ERCC6: variants seen among roughly 807,000 people sequenced by gnomAD.
ERCC6 encodes the protein DNA excision repair protein ERCC-6.
In ERCC6, 116 loss-of-function variants were observed where a neutral mutation model predicts 158.7. The observed-to-expected ratio is 0.73, with a 90% CI of 0.63 to 0.85. The LOEUF (loss-of-function observed/expected upper bound fraction) is 0.85, where lower values mean the gene tolerates loss of function less well. Among genes scored for constraint, ERCC6 ranks in the 40% least tolerant of loss-of-function variants. The probability of loss-of-function intolerance (pLI) is 0.00; values close to 1 mark genes in which losing one functional copy is unlikely to be tolerated. For missense variants in ERCC6, 1,698 were observed against 1,799.4 expected (o/e 0.94, Z 1.02); for synonymous variants, 678 against 659.3 (o/e 1.03, Z -0.43).
intron 10 of ERCC6, among the ~76,000 whole-genome samples, chr10:49,481,861 A>T (rs749095929): frequency 1.3e-5 from 2 of 152,078 alleles, no homozygotes; most frequent in Non-Finnish European, 2.9e-5. Flanking sequence ...ACCACCCAAG[A>T]TCAGGTCCAG....
intron 8 of ERCC6, among the ~76,000 whole-genome samples, chr10:49,492,705 C>A (rs955997559): frequency 2.2e-4 from 33 of 152,190 alleles, no homozygotes; most frequent in Non-Finnish European, 1.0e-4. Context: ...TAAATGCATA[C>A]TAACAAATGC....
At chr10:49,482,902 C>T (rs754373827) in intron 9 of ERCC6, 39 bp from the exon 10 acceptor site, 1 of 1,611,158 alleles carries the variant, frequency 6.2e-7, no homozygotes, top group Admixed American at 1.7e-5. Flanking sequence ...TTAAATTTAC[C>T]TTTTAGCAAT....
At chr10:49,514,253 A>G (rs1836885558) in intron 5 of ERCC6, among the ~76,000 whole-genome samples, 1 of 152,182 alleles carries the variant, frequency 6.6e-6, no homozygotes, top group South Asian at 2.1e-4. Flanking sequence ...TCTTCACTAC[A>G]CCCCTGCAAA....
chr10:49,465,075 T>A (rs1361478690), intron 18 of ERCC6, among the ~76,000 whole-genome samples: 2 of 152,080 alleles, frequency 1.3e-5, no homozygotes, highest in Non-Finnish European at 2.9e-5. Context: ...CTGCAGACAC[T>A]CAATGCCACC....
In ERCC6 at chr10:49,493,158, C is replaced by T. The variant is rs1177814245; in HGVS notation, c.1780G>A (p.Val594Met). Reference protein sequence around the residue: ...EFHTWWPPFRVAILHETGSYT... With the variant: ...EFHTWWPPFRMAILHETGSYT... ...GAACCGGTTTCATGTAGAATTGCCA[C>T]TCTGAACGGAGGCCACCACGTGTGA... Residue 594 changes from valine (V) to methionine (M), a missense_variant, in exon 8 of 21, where the codon GTG (valine) becomes ATG (methionine). Transcript: ENST00000355832. 6.8e-6 allele frequency: 11 copies of T among 1,614,156 alleles called. No homozygotes were observed. Among genetic ancestry groups the T allele is most frequent in the Non-Finnish European group, 9.3e-6 (11 of 1,180,016 alleles).
At chr10:49,521,268 T>C (rs1054317125) in intron 5 of ERCC6, among the ~76,000 whole-genome samples, 1 of 152,212 alleles carries the variant, frequency 6.6e-6, no homozygotes, top group African/African-American at 2.4e-5. Context: ...TTTATCACCC[T>C]GAAGGGGAAA....
chr10:49,472,697 C>T, intron 15 of ERCC6: 2 of 739,886 alleles, frequency 2.7e-6, no homozygotes, highest in Non-Finnish European at 4.4e-6. Flanking sequence ...TTTACCCCAA[C>T]TCTAGGAATG....
In ERCC6 at chr10:49,470,423, A is replaced by G. The variant is rs1292667263; in HGVS notation, c.3537T>C (p.Tyr1179=). ...WENKQMENNF[Y]KHKSKTKHHS... Reference sequence around the variant, plus strand: ...GATGTTTTGTTTTTGACTTGTGCTTATAAAAATTATTTTCCATTTGTTTAT... The same window carrying G: ...GATGTTTTGTTTTTGACTTGTGCTTGTAAAAATTATTTTCCATTTGTTTAT... Residue 1179 remains tyrosine, a synonymous_variant, in exon 18 of 21, where the codon TAT becomes TAC. Transcript: ENST00000355832. 1.2e-6 allele frequency: 2 copies of G among 1,614,096 alleles called. No homozygotes were observed.
At chr10:49,479,571 A>G (rs1850940342) in intron 10 of ERCC6, among the ~76,000 whole-genome samples, 1 of 152,196 alleles carries the variant, frequency 6.6e-6, no homozygotes, top group Non-Finnish European at 1.5e-5. Flanking sequence ...GATGATGATG[A>G]GGTACATATT....
intron 4 of ERCC6, 44 bp from the exon 5 acceptor site, chr10:49,524,821 T>C (rs1837273857): frequency 6.3e-7 from 1 of 1,597,360 alleles, no homozygotes; most frequent in African/African-American, 1.3e-5. Context: ...CATGAAACTT[T>C]CCGAGGGTAC....
At chr10:49,537,508 TACACACACAC>T (rs36057162) in intron 1 of ERCC6, among the ~76,000 whole-genome samples, 10 of 145,686 alleles carry the variant, frequency 6.9e-5, no homozygotes, top group East Asian at 6.2e-4. Context: ...TATATACACA[TACACACACAC>T]ACACACACAC....
At chr10:49,520,451 G>C (rs1290316525) in intron 5 of ERCC6, among the ~76,000 whole-genome samples, 1 of 152,160 alleles carries the variant, frequency 6.6e-6, no homozygotes, top group Non-Finnish European at 1.5e-5. Context: ...ACTAACCCTA[G>C]TCCTGCCAGC....
chr10:49,450,660 CTTCT>C (rs1281115334), downstream of ERCC6, among the ~76,000 whole-genome samples: 8 of 151,650 alleles, frequency 5.3e-5, no homozygotes, highest in Admixed American at 5.2e-4. Context: ...TTATTTAGGT[CTTCT>C]TTAATTACTT....
intron 6 of ERCC6, chr10:49,502,181 T>C (rs553963061): frequency 1.3e-5 from 2 of 152,282 alleles, no homozygotes; most frequent in Admixed American, 1.3e-4. Flanking sequence ...ACGTCATAAT[T>C]AACTTTCTCC....
downstream of ERCC6, among the ~76,000 whole-genome samples, chr10:49,449,679 G>A (rs1366407559): frequency 7.1e-6 from 1 of 141,332 alleles, no homozygotes; most frequent in East Asian, 2.3e-4. Context: ...AGCCTCCCAA[G>A]TAGCTGGGAC....
At chr10:49,533,936 C>T (rs1196568294) in intron 1 of ERCC6, among the ~76,000 whole-genome samples, 2 of 151,846 alleles carry the variant, frequency 1.3e-5, no homozygotes, top group East Asian at 1.9e-4. Flanking sequence ...GTGTTTGAGA[C>T]CAGCCTGGCA....
intron 5 of ERCC6, chr10:49,516,198 T>C (rs764894839): frequency 1.9e-6 from 3 of 1,614,194 alleles, no homozygotes; most frequent in South Asian, 1.1e-5. Flanking sequence ...CCAGCAAATG[T>C]AGCCCAGACA....
the ERCC6 span, among the ~76,000 whole-genome samples, chr10:49,446,689 G>A: frequency 6.6e-6 from 1 of 152,140 alleles, no homozygotes; most frequent in Non-Finnish European, 1.5e-5. Flanking sequence ...GAGGCGGGAG[G>A]ATCACTTGAG....
At chr10:49,504,792 C>T (rs1012899642) in intron 6 of ERCC6, 4 of 152,150 alleles carry the variant, frequency 2.6e-5, no homozygotes, top group South Asian at 2.1e-4. Flanking sequence ...ACGGCTGTTC[C>T]TCTGTCCAGT....
Sources: allele counts gnomAD v4.1 joint callset (sites outside exome capture counted in the v4.1 genomes callset), GRCh38; gene constraint gnomAD v4.1.1; transcripts MANE v1.5; gene names NCBI Gene and HGNC (gene_info 2026-07-23, HGNC 2026-07-21).